GRM5: variants seen among roughly 807,000 people sequenced by gnomAD.
GRM5 encodes the protein metabotropic glutamate receptor 5.
GRM5 carries 19 observed loss-of-function variants against 83.1 expected under a neutral mutation model. That is an observed-to-expected ratio of 0.23 (90% CI 0.16 to 0.34). The LOEUF (loss-of-function observed/expected upper bound fraction) is 0.34. Among genes scored for constraint, GRM5 ranks in the 10% least tolerant of loss-of-function variants. The pLI is 1.00. For missense variants in GRM5, 1,160 were observed against 1,588.3 expected (o/e 0.73, Z 4.58); for synonymous variants, 675 against 633.6 (o/e 1.07, Z -0.98).
chr11:88,592,889 C>T (rs536735643), intron 6 of GRM5, among the ~76,000 whole-genome samples: 3 of 152,250 alleles, frequency 2.0e-5, no homozygotes, highest in Admixed American at 2.0e-4. Context: ...TCTTGGCTCA[C>T]GGCAGCCTTG....
intron 3 of GRM5, among the ~76,000 whole-genome samples, chr11:88,726,318 G>A (rs6483400): frequency 0.64 from 97,577 of 152,000 alleles, 33,410 homozygotes; most frequent in South Asian, 0.84. Flanking sequence ...ATGAAATAAA[G>A]TGTGAAGACA....
At chr11:88,802,443 A>C (rs149964787) in intron 3 of GRM5, among the ~76,000 whole-genome samples, 1 of 151,634 alleles carries the variant, frequency 6.6e-6, no homozygotes, top group Non-Finnish European at 1.5e-5. Flanking sequence ...TCAGAAACAG[A>C]AAGTCAATAG....
chr11:88,920,203 A>G (rs945842890), intron 2 of GRM5, among the ~76,000 whole-genome samples: 2 of 151,992 alleles, frequency 1.3e-5, no homozygotes, highest in African/African-American at 2.4e-5. Context: ...CAGATGAAAA[A>G]GGTGATATTA....
chr11:88,714,462 T>C (rs1941355635), intron 3 of GRM5, among the ~76,000 whole-genome samples: 2 of 152,002 alleles, frequency 1.3e-5, no homozygotes, highest in Admixed American at 1.3e-4. Context: ...GGGAAAATTA[T>C]TGTGGTAGAG....
chr11:88,750,836 A>G (rs1165283649), intron 3 of GRM5, among the ~76,000 whole-genome samples: 1 of 152,166 alleles, frequency 6.6e-6, no homozygotes, highest in Non-Finnish European at 1.5e-5. Flanking sequence ...TGGGTAAATA[A>G]TGAAATTAAG....
intron 3 of GRM5, among the ~76,000 whole-genome samples, chr11:88,800,566 G>C (rs1316565935): frequency 1.3e-5 from 2 of 152,160 alleles, no homozygotes; most frequent in East Asian, 3.9e-4. Context: ...AAATATAGCA[G>C]GTACTCAGCA....
chr11:88,619,103 C>A (rs1938564631), intron 4 of GRM5, among the ~76,000 whole-genome samples: 2 of 152,208 alleles, frequency 1.3e-5, no homozygotes, highest in African/African-American at 2.4e-5. Context: ...GCAGAAACTA[C>A]AACTCTCCAA....
chr11:88,989,053 G>T (rs1254342472), intron 2 of GRM5, among the ~76,000 whole-genome samples: 3 of 151,520 alleles, frequency 2.0e-5, no homozygotes, highest in Non-Finnish European at 4.4e-5. Flanking sequence ...CCAATTAAAA[G>T]ACACAGACTG....
intron 3 of GRM5, among the ~76,000 whole-genome samples, chr11:88,695,957 C>T (rs777826395): frequency 2.0e-5 from 3 of 152,136 alleles, no homozygotes; most frequent in Non-Finnish European, 2.9e-5. Flanking sequence ...CCTCTTCAGG[C>T]GACTTGTGTG....
At chr11:88,971,125 A>T in intron 2 of GRM5, among the ~76,000 whole-genome samples, 1 of 151,962 alleles carries the variant, frequency 6.6e-6, no homozygotes, top group East Asian at 1.9e-4. Flanking sequence ...ACTTATGAAT[A>T]TGGAAAGGAG....
chr11:88,833,562 G>T (rs1260920338), intron 3 of GRM5, among the ~76,000 whole-genome samples: 1 of 152,026 alleles, frequency 6.6e-6, no homozygotes, highest in Non-Finnish European at 1.5e-5. Context: ...CAGTATAAAG[G>T]TTTCTCAAAA....
chr11:88,993,330 C>A (rs1367237845), intron 2 of GRM5, among the ~76,000 whole-genome samples: 5 of 150,190 alleles, frequency 3.3e-5, no homozygotes, highest in Non-Finnish European at 5.9e-5. Context: ...TCCATTTTTC[C>A]CAGTGGCAGT....
At chr11:88,974,501 T>C (rs1395783125) in intron 2 of GRM5, among the ~76,000 whole-genome samples, 1 of 152,176 alleles carries the variant, frequency 6.6e-6, no homozygotes, top group African/African-American at 2.4e-5. Context: ...GGTGTATGTA[T>C]GAATGAATCA....
At position 88,804,446 on chromosome 11, in the gene GRM5, A is replaced by G. The variant is rs1943460867; in HGVS notation, c.911+45460T>C. On this transcript the variant is annotated intron_variant, in intron 3 of 9. Coordinates refer to ENST00000305447, the MANE Select transcript of GRM5 (RefSeq NM_001143831.3). ...TAAACTATCGCAAGAACAAAAAACCAAACACCGCATATTCTCACTCATAGG... is the reference window on the plus strand; with the variant it reads ...TAAACTATCGCAAGAACAAAAAACCGAACACCGCATATTCTCACTCATAGG... Among the ~76,000 whole-genome samples, 5 of 151,012 alleles carry G rather than the reference A, an allele frequency of 3.3e-5. No homozygotes were observed. In the South Asian group the frequency reaches 1.1e-3, roughly 32 times the overall value.
intron 2 of GRM5, among the ~76,000 whole-genome samples, chr11:88,994,236 A>C (rs1940093853): frequency 6.6e-6 from 1 of 151,650 alleles, no homozygotes; most frequent in South Asian, 2.1e-4. Flanking sequence ...TAAAAAAGAC[A>C]CAAATAAATT....
intron 2 of GRM5, among the ~76,000 whole-genome samples, chr11:88,910,561 T>G (rs1945479130): frequency 6.6e-6 from 1 of 152,084 alleles, no homozygotes; most frequent in Non-Finnish European, 1.5e-5. Flanking sequence ...TTTGATTGGC[T>G]TTCTTTCTTT....
At chr11:88,819,142 G>T (rs929959053) in intron 3 of GRM5, among the ~76,000 whole-genome samples, 1 of 152,204 alleles carries the variant, frequency 6.6e-6, no homozygotes, top group East Asian at 1.9e-4. Flanking sequence ...AGTCCTAATA[G>T]AGTGGAAAGA....
At chr11:88,822,398 A>G (rs1943815003) in intron 3 of GRM5, among the ~76,000 whole-genome samples, 1 of 152,228 alleles carries the variant, frequency 6.6e-6, no homozygotes, top group African/African-American at 2.4e-5. Context: ...ATAAGCAATC[A>G]TGCAAAAGAG....
chr11:88,781,261 A>T (rs1379645583), intron 3 of GRM5, among the ~76,000 whole-genome samples: 2 of 151,752 alleles, frequency 1.3e-5, no homozygotes, highest in African/African-American at 2.4e-5. Flanking sequence ...CATCTGTAAG[A>T]CGCATGTATG....
Sources: allele counts gnomAD v4.1 joint callset (sites outside exome capture counted in the v4.1 genomes callset), GRCh38; gene constraint gnomAD v4.1.1; transcripts MANE v1.5; gene names NCBI Gene and HGNC (gene_info 2026-07-23, HGNC 2026-07-21).